The following SAE1 variants were observed in gnomAD, a reference collection of about 807,000 sequenced individuals.
SAE1 encodes SUMO-activating enzyme subunit 1.
SAE1 carries 11 observed loss-of-function variants against 40.6 expected under a neutral mutation model. The observed-to-expected ratio is 0.27, with a 90% confidence interval of 0.17 to 0.45. The LOEUF (loss-of-function observed/expected upper bound fraction) is 0.45. SAE1 is among the 20% of genes least tolerant of loss of function. SAE1 has a pLI of 1.00. For missense variants in SAE1, 373 were observed against 427.3 expected, an observed-to-expected ratio of 0.87 and a Z score of 1.12; for synonymous variants, 155 against 154.3, an observed-to-expected ratio of 1.00 and a Z score of -0.03.
chr19:47,178,005 G>A (rs1029316283), intron 6 of SAE1, among the ~76,000 whole-genome samples: 5 of 152,162 alleles, frequency 3.3e-5, no homozygotes, highest in Non-Finnish European at 7.3e-5. Flanking sequence ...CACTTTGAGA[G>A]ACTGAGGTGG....
At chr19:47,200,399 ATTTTTTTTT>A (rs35657499) in intron 7 of SAE1, among the ~76,000 whole-genome samples, 35 of 102,558 alleles carry the variant, frequency 3.4e-4, no homozygotes, top group Admixed American at 5.3e-4. Context: ...AGCCTGCCTA[ATTTTTTTTT>A]TTTTTTTTTT....
chr19:47,138,070 T>G (rs2058193411), intron 1 of SAE1, among the ~76,000 whole-genome samples: 1 of 144,612 alleles, frequency 6.9e-6, no homozygotes, highest in African/African-American at 2.6e-5. Context: ...TGAGACGGAA[T>G]TTCTCTCTTG....
chr19:47,164,854 G>A (rs1282839078), intron 5 of SAE1, among the ~76,000 whole-genome samples: 2 of 151,104 alleles, frequency 1.3e-5, no homozygotes, highest in Non-Finnish European at 3.0e-5. Flanking sequence ...GGGTTTCACC[G>A]TGTTAGCCAG....
chr19:47,189,402 T>C (rs2058564950), intron 6 of SAE1, among the ~76,000 whole-genome samples: 2 of 151,874 alleles, frequency 1.3e-5, no homozygotes, highest in South Asian at 2.1e-4. Flanking sequence ...CTAAAAAATA[T>C]GTATATAAAT....
intron 5 of SAE1, among the ~76,000 whole-genome samples, chr19:47,156,629 C>T (rs2068998434): frequency 6.6e-6 from 1 of 151,606 alleles, no homozygotes; most frequent in African/African-American, 2.4e-5. Context: ...AGAGATTTTC[C>T]TGCCTCAGCC....
intron 6 of SAE1, among the ~76,000 whole-genome samples, chr19:47,174,563 A>ATTTTTT (rs71180803): frequency 6.6e-4 from 58 of 88,506 alleles, no homozygotes; most frequent in African/African-American, 1.9e-3. Context: ...CGCCTGGCAA[A>ATTTTTT]TTTTTTTTTT....
intron 6 of SAE1, among the ~76,000 whole-genome samples, chr19:47,191,103 T>C (rs1213825500): frequency 6.6e-6 from 1 of 152,198 alleles, no homozygotes. Flanking sequence ...AACTTCAGTT[T>C]CCTGATCTGT....
chr19:47,197,589 T>C (rs924217354), intron 7 of SAE1, among the ~76,000 whole-genome samples: 3 of 152,218 alleles, frequency 2.0e-5, no homozygotes, highest in African/African-American at 4.8e-5. Flanking sequence ...AAGTATCTTA[T>C]ATTCACGTGG....
At chr19:47,207,965 G>A (rs1036475903) in intron 8 of SAE1, among the ~76,000 whole-genome samples, 1 of 152,018 alleles carries the variant, frequency 6.6e-6, no homozygotes, top group Admixed American at 6.6e-5. Context: ...TGCTCTGTCT[G>A]GTAACCCCAC....
intron 7 of SAE1, among the ~76,000 whole-genome samples, chr19:47,201,360 C>CTTTTTTTTTTTTTTTTTTTTTTTTTTT (rs57568797): frequency 3.0e-5 from 2 of 66,230 alleles, no homozygotes. Context: ...TATCTGGTTC[C>CTTTTTTTTTTTTTTTTTTTTTTTTTTT]TTTTTTTTTT....
At chr19:47,195,437 C>T (rs1003845301) in intron 6 of SAE1, among the ~76,000 whole-genome samples, 4 of 152,192 alleles carry the variant, frequency 2.6e-5, no homozygotes, top group Non-Finnish European at 4.4e-5. Context: ...GTAGTTCTGA[C>T]TCACAGCCAT....
intron 3 of SAE1, 36 bp downstream of exon 3, chr19:47,150,411 A>T: frequency 6.5e-7 from 1 of 1,534,874 alleles, no homozygotes; most frequent in Non-Finnish European, 8.9e-7. Context: ...TGTGGGAATT[A>T]AACAAATTAA....
At chr19:47,202,147 A>G (rs1303121873) in intron 7 of SAE1, among the ~76,000 whole-genome samples, 1 of 152,092 alleles carries the variant, frequency 6.6e-6, no homozygotes, top group Non-Finnish European at 1.5e-5. Context: ...ATATTTAGAA[A>G]TTTGTCTTAA....
intron 6 of SAE1, among the ~76,000 whole-genome samples, chr19:47,183,722 C>T (rs1358482990): frequency 6.6e-6 from 1 of 152,248 alleles, no homozygotes; most frequent in African/African-American, 2.4e-5. Flanking sequence ...TAAAGCCTCA[C>T]ATCTTTTCTC....
At position 47,135,035 on chromosome 19, in the gene SAE1, A is replaced by T. The variant is rs182545737; in HGVS notation, c.98+4007A>T. On this transcript the variant is annotated intron_variant, in intron 1 of 8. Coordinates refer to ENST00000270225, the MANE Select transcript of SAE1 (RefSeq NM_005500.3). ...CAGCCGAGGTTTTTAGAAATTAAAA[A>T]TTTTTTTGTGTGAGTACATAGTAGG... 3.7e-3 allele frequency among the ~76,000 whole-genome samples: 560 copies of T among 152,204 alleles called. 3 individuals carry two copies. The highest frequency in any genetic ancestry group is 0.013 in the African/African-American group (529 of 41,528).
intron 6 of SAE1, among the ~76,000 whole-genome samples, chr19:47,188,098 C>T (rs2058555348): frequency 6.6e-6 from 1 of 152,002 alleles, no homozygotes; most frequent in Non-Finnish European, 1.5e-5. Context: ...CCTGTAATCC[C>T]AGCACTTTCA....
At chr19:47,173,176 C>T (rs951540767) in intron 6 of SAE1, among the ~76,000 whole-genome samples, 3 of 152,028 alleles carry the variant, frequency 2.0e-5, no homozygotes, top group African/African-American at 7.2e-5. Flanking sequence ...TTTTTGTATT[C>T]TTAGTAGAGG....
intron 1 of SAE1, among the ~76,000 whole-genome samples, chr19:47,138,168 T>C (rs199521037): frequency 6.6e-6 from 1 of 152,010 alleles, no homozygotes; most frequent in Non-Finnish European, 1.5e-5. Context: ...CTCAGCCTCC[T>C]AAGTAGCTGG....
At chr19:47,177,754 A>G (rs560494806) in intron 6 of SAE1, among the ~76,000 whole-genome samples, 3 of 152,182 alleles carry the variant, frequency 2.0e-5, no homozygotes, top group Non-Finnish European at 2.9e-5. Flanking sequence ...AGGTCTGACC[A>G]TCTTTGGGGA....
Sources: allele counts gnomAD v4.1 joint callset (sites outside exome capture counted in the v4.1 genomes callset), GRCh38; gene constraint gnomAD v4.1.1; transcripts MANE v1.5; gene names NCBI Gene and HGNC (gene_info 2026-07-23, HGNC 2026-07-21).